Variants in TSC22D1 observed in about 807,000 individuals in gnomAD.
TSC22D1 encodes TSC22 domain family protein 1.
Under a neutral mutation model 74.2 loss-of-function variants are expected in TSC22D1, and 9 were observed. The ratio of observed to expected loss-of-function variants is 0.12; its 90% CI spans 0.07 to 0.21. The LOEUF (loss-of-function observed/expected upper bound fraction) is 0.21. Among genes scored for constraint, TSC22D1 ranks in the 10% least tolerant of loss-of-function variants. The pLI is 1.00. For synonymous variants in TSC22D1, 586 were observed against 492.5 expected (o/e 1.19, Z -2.51); for missense variants, 1,427 against 1,304.7 (o/e 1.09, Z -1.44).
At chr13:44,558,012 T>C (rs1335682832) in intron 1 of TSC22D1, among the ~76,000 whole-genome samples, 26 of 152,150 alleles carry the variant, frequency 1.7e-4, no homozygotes, top group Admixed American at 1.7e-3. Flanking sequence ...AAAATAATAA[T>C]AAAGATTGAA....
At position 44,532,833 on chromosome 13, in the gene TSC22D1, G is replaced by A. The variant is rs75837978; in HGVS notation, c.2912+40330C>T. Among the ~76,000 whole-genome samples, 137 of 152,176 alleles carry A rather than the reference G, an allele frequency of 9.0e-4. 1 individual carries two copies. Among genetic ancestry groups the A allele is most frequent in the African/African-American group, 3.2e-3 (132 of 41,534 alleles). On this transcript the variant is annotated intron_variant, in intron 1 of 2. Coordinates refer to ENST00000458659, the MANE Select transcript of TSC22D1 (RefSeq NM_183422.4). ...TACATGAATAAGAGGTAAGAATATGGGGATACTTAATATGTAGAAGACTTG... is the reference window on the plus strand; with the variant it reads ...TACATGAATAAGAGGTAAGAATATGAGGATACTTAATATGTAGAAGACTTG...
chr13:44,551,393 T>TGTGTGGGG (rs1566169563), intron 1 of TSC22D1, among the ~76,000 whole-genome samples: 12 of 80,170 alleles, frequency 1.5e-4, no homozygotes, highest in Non-Finnish European at 2.5e-4. Context: ...CAGATGGGTG[T>TGTGTGGGG]GTGTGTGTGT....
chr13:44,545,377 C>T (rs951652355), intron 1 of TSC22D1, among the ~76,000 whole-genome samples: 11 of 151,786 alleles, frequency 7.2e-5, no homozygotes, highest in African/African-American at 2.7e-4. Flanking sequence ...CCACTGACTC[C>T]TTAAAGTGAA....
intron 1 of TSC22D1, among the ~76,000 whole-genome samples, chr13:44,526,222 T>A (rs928590705): frequency 6.6e-6 from 1 of 152,234 alleles, no homozygotes; most frequent in Non-Finnish European, 1.5e-5. Flanking sequence ...GCAGATATTT[T>A]GCAATTATTA....
chr13:44,530,235 A>G (rs761673253), intron 1 of TSC22D1, among the ~76,000 whole-genome samples: 3 of 152,180 alleles, frequency 2.0e-5, no homozygotes, highest in Non-Finnish European at 2.9e-5. Context: ...TAAAGAGCCC[A>G]GATGTAGAAC....
intron 1 of TSC22D1, among the ~76,000 whole-genome samples, chr13:44,454,749 C>T (rs1178131000): frequency 6.6e-6 from 1 of 151,952 alleles, no homozygotes; most frequent in African/African-American, 2.4e-5. Context: ...ATTATTATTC[C>T]CATTCATATA....
At position 44,454,928 on chromosome 13, in the gene TSC22D1, T is replaced by A. The variant is rs546204262; in HGVS notation, c.2913-18833A>T. The stretch of plus-strand genomic sequence containing the variant: ...GTTATCACTGGAAATAGTTTTTTTT[T>A]AAAATAATAAAAATTCAACAAATAT... On this transcript the variant is annotated intron_variant, in intron 1 of 2. Coordinates refer to ENST00000458659, the MANE Select transcript of TSC22D1 (RefSeq NM_183422.4). Among the ~76,000 whole-genome samples, 167 of 152,298 alleles carry A rather than the reference T, an allele frequency of 1.1e-3. 1 individual carries two copies. Among genetic ancestry groups the A allele is most frequent in the Non-Finnish European group, 1.9e-3 (126 of 68,018 alleles).
intron 1 of TSC22D1, among the ~76,000 whole-genome samples, chr13:44,455,654 A>G (rs1053632846): frequency 3.9e-5 from 6 of 152,218 alleles, no homozygotes; most frequent in African/African-American, 1.4e-4. Flanking sequence ...AGCACTAGAT[A>G]TGCAATGATA....
chr13:44,552,988 AAAACAAAC>A (rs199965859), intron 1 of TSC22D1, among the ~76,000 whole-genome samples: 1 of 151,748 alleles, frequency 6.6e-6, no homozygotes, highest in Admixed American at 6.6e-5. Flanking sequence ...ACTCCATCTC[AAAACAAAC>A]AAACAAACAA....
intron 1 of TSC22D1, chr13:44,436,792 A>T: frequency 7.0e-7 from 1 of 1,436,632 alleles, no homozygotes; most frequent in East Asian, 2.4e-5. Flanking sequence ...TCCCAGGCAG[A>T]TGCGGATCCC....
At chr13:44,511,316 T>G (rs1879704868) in intron 1 of TSC22D1, among the ~76,000 whole-genome samples, 1 of 151,896 alleles carries the variant, frequency 6.6e-6, no homozygotes, top group African/African-American at 2.4e-5. Flanking sequence ...TCAAACAACA[T>G]AAACAAAAAC....
intron 1 of TSC22D1, among the ~76,000 whole-genome samples, chr13:44,476,760 TC>T (rs779563769): frequency 3.3e-5 from 5 of 152,190 alleles, no homozygotes; most frequent in Admixed American, 2.0e-4. Context: ...CACTGCAGCC[TC>T]AACCTCCTGG....
chr13:44,474,551 A>G (rs1433677297), intron 1 of TSC22D1, among the ~76,000 whole-genome samples: 1 of 152,192 alleles, frequency 6.6e-6, no homozygotes, highest in Non-Finnish European at 1.5e-5. Context: ...TCTACAGATC[A>G]TTTCGTCTTG....
At chr13:44,450,374 T>C (rs1301948180) in intron 1 of TSC22D1, among the ~76,000 whole-genome samples, 3 of 152,168 alleles carry the variant, frequency 2.0e-5, no homozygotes, top group Admixed American at 6.5e-5. Context: ...GACTGGACTT[T>C]AGTCTGAGGG....
intron 1 of TSC22D1, among the ~76,000 whole-genome samples, chr13:44,443,222 A>G (rs1008640298): frequency 1.1e-4 from 16 of 152,004 alleles, no homozygotes; most frequent in African/African-American, 3.9e-4. Flanking sequence ...AAAAATTGCT[A>G]TGTACAGAGC....
intron 1 of TSC22D1, among the ~76,000 whole-genome samples, chr13:44,517,026 G>A (rs1880022700): frequency 6.6e-6 from 1 of 152,180 alleles, no homozygotes; most frequent in South Asian, 2.1e-4. Context: ...ACAGCTGCCT[G>A]ATCCATCATG....
chr13:44,489,336 T>A (rs1372829747), intron 1 of TSC22D1, among the ~76,000 whole-genome samples: 1 of 151,712 alleles, frequency 6.6e-6, no homozygotes, highest in Non-Finnish European at 1.5e-5. Context: ...AAACATTAAC[T>A]ATAAAGGAAA....
intron 1 of TSC22D1, among the ~76,000 whole-genome samples, chr13:44,447,833 CT>C (rs5803260): frequency 0.032 from 4,132 of 129,432 alleles, 162 homozygotes; most frequent in African/African-American, 0.1. Flanking sequence ...AATGCCTTTT[CT>C]TTTTTTTTTT....
chr13:44,549,842 G>A (rs11842323), intron 1 of TSC22D1, among the ~76,000 whole-genome samples: 1,876 of 151,430 alleles, frequency 0.012, 51 homozygotes, highest in African/African-American at 0.041. Flanking sequence ...CAAGCTAGCT[G>A]TGTCTGTCAA....
Sources: gnomAD v4.1 joint callset for allele counts (sites outside exome capture counted in the v4.1 genomes callset) on GRCh38, gnomAD v4.1.1 for gene constraint, MANE v1.5 for transcripts, NCBI Gene and HGNC (gene_info 2026-07-23, HGNC 2026-07-21) for gene names.